The following CNTNAP2 variants were observed in gnomAD, a reference collection of about 807,000 sequenced individuals.
CNTNAP2 encodes contactin associated protein 2.
Under a neutral mutation model 155.2 loss-of-function variants are expected in CNTNAP2, and 98 were observed. That is an observed-to-expected ratio of 0.63 (90% CI 0.54 to 0.75). The LOEUF is 0.75. Ranked by LOEUF, CNTNAP2 falls within the 30% of genes least tolerant of loss-of-function variation. The pLI is 0.00. For synonymous variants in CNTNAP2, 651 were observed against 631.2 expected, an observed-to-expected ratio of 1.03 and a Z score of -0.47; for missense variants, 1,727 against 1,688.1, an observed-to-expected ratio of 1.02 and a Z score of -0.40.
At chr7:147,545,348 T>C (rs1056987610) in intron 11 of CNTNAP2, among the ~76,000 whole-genome samples, 2 of 152,096 alleles carry the variant, frequency 1.3e-5, no homozygotes, top group African/African-American at 4.8e-5. Context: ...AAACCTTCAG[T>C]GGGCAATAAT....
chr7:146,590,103 C>G (rs1798758742), intron 1 of CNTNAP2, among the ~76,000 whole-genome samples: 1 of 152,160 alleles, frequency 6.6e-6, no homozygotes, highest in African/African-American at 2.4e-5. Context: ...GTTGTCTTCT[C>G]ACATTTTGTT....
chr7:148,100,351 G>C (rs1372973434), intron 15 of CNTNAP2, among the ~76,000 whole-genome samples: 1 of 152,174 alleles, frequency 6.6e-6, no homozygotes, highest in African/African-American at 2.4e-5. Context: ...CATTAAAGCT[G>C]TGTGTGAAGG....
chr7:146,861,486 G>C (rs1256574792), intron 3 of CNTNAP2, among the ~76,000 whole-genome samples: 1 of 152,044 alleles, frequency 6.6e-6, no homozygotes, highest in Non-Finnish European at 1.5e-5. Context: ...GAAGAATAAA[G>C]TATTATACTA....
At chr7:147,373,564 GAAATA>G (rs1235646109) in intron 9 of CNTNAP2, among the ~76,000 whole-genome samples, 1 of 152,020 alleles carries the variant, frequency 6.6e-6, no homozygotes, top group Non-Finnish European at 1.5e-5. Context: ...TGAGAACATT[GAAATA>G]CTGTTTGAGA....
rs139971735 is a variant in CNTNAP2 at position 146,274,009 on chromosome 7, A to G, written c.97+157036A>G. Among the ~76,000 whole-genome samples the G allele has an allele frequency of 2.5e-3, 379 of 152,304 alleles. 2 individuals carry two copies. The highest frequency in any genetic ancestry group is 8.5e-3 in the African/African-American group (354 of 41,564). ...ACATTATATATACATATATATGTGT[A>G]TATATACACATACATATGTAATAGT... On this transcript the variant is annotated intron_variant, in intron 1 of 23. Transcript: ENST00000361727.
In CNTNAP2 at chr7:147,462,526, T is replaced by C. The variant is rs902146712; in HGVS notation, c.1671-23409T>C. 1.3e-5 allele frequency among the ~76,000 whole-genome samples: 2 copies of C among 152,310 alleles called. 1 individual carries two copies. Among genetic ancestry groups the C allele is most frequent in the South Asian group, 4.1e-4 (2 of 4,826 alleles). ...TTTGATTTGAATGTATGTTCTCAAA[T>C]GGAGCCCTAAAGATATCAGTACATT... is the stretch of plus-strand genomic sequence containing the variant. On this transcript the variant is annotated intron_variant, in intron 10 of 23. Coordinates refer to ENST00000361727, the MANE Select transcript of CNTNAP2 (RefSeq NM_014141.6).
chr7:147,026,016 C>T (rs117388436), intron 3 of CNTNAP2, among the ~76,000 whole-genome samples: 10 of 152,130 alleles, frequency 6.6e-5, no homozygotes, highest in East Asian at 1.9e-4. Flanking sequence ...TGTGCTACCA[C>T]GCCTGGCTAA....
At chr7:147,594,513 T>C (rs1471094023) in intron 12 of CNTNAP2, among the ~76,000 whole-genome samples, 1 of 152,202 alleles carries the variant, frequency 6.6e-6, no homozygotes, top group Non-Finnish European at 1.5e-5. Flanking sequence ...AAATAGCAGA[T>C]ATAAAGATTT....
At chr7:146,328,515 CTGTG>C (rs36098013) in intron 1 of CNTNAP2, among the ~76,000 whole-genome samples, 37 of 147,076 alleles carry the variant, frequency 2.5e-4, no homozygotes, top group Admixed American at 8.1e-4. Flanking sequence ...ACTTAGCGAC[CTGTG>C]TGTGTGTGTG....
At chr7:147,083,562 A>T (rs1476949432) in intron 4 of CNTNAP2, among the ~76,000 whole-genome samples, 1 of 144,424 alleles carries the variant, frequency 6.9e-6, no homozygotes, top group African/African-American at 2.6e-5. Flanking sequence ...ATATATATAT[A>T]TACACATATA....
intron 1 of CNTNAP2, among the ~76,000 whole-genome samples, chr7:146,616,418 T>A (rs1799224901): frequency 6.6e-6 from 1 of 152,152 alleles, no homozygotes; most frequent in African/African-American, 2.4e-5. Flanking sequence ...TAAGTGAAAT[T>A]TGCAGTGAGG....
At chr7:147,527,498 A>C (rs1484546200) in intron 11 of CNTNAP2, among the ~76,000 whole-genome samples, 2 of 152,218 alleles carry the variant, frequency 1.3e-5, no homozygotes, top group African/African-American at 4.8e-5. Flanking sequence ...TTCTCAAGAA[A>C]ATGTATACAT....
chr7:147,542,170 C>G (rs1799651306), intron 11 of CNTNAP2, among the ~76,000 whole-genome samples: 1 of 152,118 alleles, frequency 6.6e-6, no homozygotes, highest in African/African-American at 2.4e-5. Flanking sequence ...ATCTAATTAA[C>G]TAAACTCTCC....
At chr7:146,898,999 G>A (rs1222333376) in intron 3 of CNTNAP2, among the ~76,000 whole-genome samples, 1 of 151,974 alleles carries the variant, frequency 6.6e-6, no homozygotes, top group African/African-American at 2.4e-5. Context: ...CCATTTAAGT[G>A]CATAAATTAT....
chr7:147,951,441 C>T (rs1490748843), intron 14 of CNTNAP2, among the ~76,000 whole-genome samples: 1 of 152,170 alleles, frequency 6.6e-6, no homozygotes, highest in East Asian at 1.9e-4. Context: ...TAATCAAGCA[C>T]ATATCCTGAT....
intron 8 of CNTNAP2, among the ~76,000 whole-genome samples, chr7:147,293,581 A>G (rs1563149258): frequency 6.6e-6 from 1 of 152,134 alleles, no homozygotes; most frequent in African/African-American, 2.4e-5. Context: ...CAAGACTGAA[A>G]ACTCCAGTCA....
intron 11 of CNTNAP2, among the ~76,000 whole-genome samples, chr7:147,493,999 G>A (rs1033212482): frequency 1.3e-5 from 2 of 152,148 alleles, no homozygotes; most frequent in African/African-American, 2.4e-5. Flanking sequence ...CCCTTGCTCA[G>A]CTGTATGTAT....
At chr7:148,249,780 T>C (rs1796334128) in intron 20 of CNTNAP2, among the ~76,000 whole-genome samples, 1 of 152,294 alleles carries the variant, frequency 6.6e-6, no homozygotes, top group Middle Eastern at 3.4e-3. Context: ...CATCCGGTTT[T>C]TCAGAACCTC....
intron 13 of CNTNAP2, among the ~76,000 whole-genome samples, chr7:147,751,905 T>C (rs1037043659): frequency 2.0e-5 from 3 of 152,164 alleles, no homozygotes; most frequent in Non-Finnish European, 4.4e-5. Flanking sequence ...TCCTATTTAC[T>C]TACAGGAGAA....
Sources: gnomAD v4.1 joint callset for allele counts (sites outside exome capture counted in the v4.1 genomes callset) on GRCh38, gnomAD v4.1.1 for gene constraint, MANE v1.5 for transcripts, NCBI Gene and HGNC (gene_info 2026-07-23, HGNC 2026-07-21) for gene names.